The following TRIM61 variants were observed in gnomAD, a reference collection of about 807,000 sequenced individuals.
TRIM61 encodes tripartite motif containing 61.
In TRIM61, 1 loss-of-function variant was observed where a neutral mutation model predicts 14.2. The ratio of observed to expected loss-of-function variants is 0.07; its 90% CI spans 0.03 to 0.33. TRIM61 has a LOEUF of 0.33. Ranked by LOEUF, TRIM61 falls within the 10% of genes least tolerant of loss-of-function variation. The pLI, the probability that TRIM61 is intolerant of heterozygous loss-of-function variation, is 0.99. For missense variants in TRIM61, 19 were observed against 202.2 expected (o/e 0.09, Z 5.49); for synonymous variants, 8 against 71.6 (o/e 0.11, Z 4.49).
At chr4:164,960,719 G>A (rs1732113413) in intron 3 of TRIM61, among the ~76,000 whole-genome samples, 1 of 152,168 alleles carries the variant, frequency 6.6e-6, no homozygotes, top group Non-Finnish European at 1.5e-5. Context: ...GGGAGGCTGA[G>A]GCAGGCAGAT....
At chr4:164,976,236 G>C (rs201368258) in intron 2 of TRIM61, among the ~76,000 whole-genome samples, 1 of 151,810 alleles carries the variant, frequency 6.6e-6, no homozygotes, top group African/African-American at 2.4e-5. Context: ...GGCCGGTGCC[G>C]GTGCAGGTCC....
intron 3 of TRIM61, among the ~76,000 whole-genome samples, chr4:164,967,075 T>C (rs540161131): frequency 6.6e-6 from 1 of 152,302 alleles, no homozygotes; most frequent in Admixed American, 6.5e-5. Flanking sequence ...TAGCCAGCTA[T>C]AGGCAATAAG....
chr4:164,970,871 G>A (rs1053657011), intron 2 of TRIM61, among the ~76,000 whole-genome samples: 2 of 152,084 alleles, frequency 1.3e-5, no homozygotes, highest in African/African-American at 4.8e-5. Flanking sequence ...GGGCCAAGGC[G>A]CTCAGCTCCC....
rs200122109 is a variant in TRIM61 at position 164,962,692 on chromosome 4, T to C, written c.525+6786A>G. On this transcript the variant is annotated intron_variant, in intron 3 of 4. Coordinates refer to ENST00000329314, the MANE Select transcript of TRIM61 (RefSeq NM_001012414.3). ...ATCAAGTGGACACTACAAGAAATGT[T>C]AAAAAAAAAAAAAAAGTACTTTGGG... Among the ~76,000 whole-genome samples, 712 of 139,780 alleles carry C rather than the reference T, an allele frequency of 5.1e-3. 4 individuals are homozygous for C. Among genetic ancestry groups the C allele is most frequent in the African/African-American group, 0.017 (651 of 37,920 alleles). 91.7% of individuals were successfully genotyped at this position (139,780 alleles called of 152,430 possible). A position where few individuals can be genotyped will look rare whatever the true frequency, so the allele number is the denominator to read the frequency against.
intron 3 of TRIM61, among the ~76,000 whole-genome samples, chr4:164,959,851 C>A (rs1354765123): frequency 1.3e-5 from 2 of 152,250 alleles, no homozygotes; most frequent in African/African-American, 2.4e-5. Flanking sequence ...AGAAGGGAAA[C>A]AAGTTCATCT....
At chr4:164,969,365 A>T in intron 3 of TRIM61, 1 of 1,562,250 alleles carries the variant, frequency 6.4e-7, no homozygotes, top group African/African-American at 1.4e-5. Context: ...TAGTTGTGCT[A>T]AAATATCCAT....
At chr4:164,972,299 A>T (rs759927537) in intron 2 of TRIM61, among the ~76,000 whole-genome samples, 1 of 152,200 alleles carries the variant, frequency 6.6e-6, no homozygotes, top group Non-Finnish European at 1.5e-5. Context: ...TCTTTTTCTT[A>T]TAAGAATATC....
At chr4:164,968,293 T>A (rs1325311534) in intron 3 of TRIM61, 103 of 906,794 alleles carry the variant, frequency 1.1e-4, no homozygotes, top group East Asian at 2.3e-4. Context: ...CAGAAAAAAA[T>A]TACTGGGCTT....
At chr4:164,976,982 G>A (rs931079779) in intron 1 of TRIM61, among the ~76,000 whole-genome samples, 157 bp from the exon 2 acceptor site, 12 of 152,120 alleles carry the variant, frequency 7.9e-5, no homozygotes, top group African/African-American at 2.9e-4. Context: ...AAGCTTCTTG[G>A]TGGCAATACG....
At chr4:164,964,216 T>C (rs1331171519) in intron 3 of TRIM61, among the ~76,000 whole-genome samples, 1 of 151,196 alleles carries the variant, frequency 6.6e-6, no homozygotes. Context: ...GGCTTGGTGG[T>C]GGGCGCATGT....
Position 164,970,171 on chromosome 4 carries a change from TTAAGCC to T in TRIM61, c.-175_-170del. On this transcript the variant is annotated 5_prime_UTR_variant, in exon 3 of 5. Coordinates refer to ENST00000329314, the MANE Select transcript of TRIM61 (RefSeq NM_001012414.3). Reference sequence around the variant, plus strand: ...GTTGATGGCAGCTTCTAGAAACTTGTTAAGCCCTCAGCTCCTTAGCTTCAGAGTCTA... The same window carrying T: ...GTTGATGGCAGCTTCTAGAAACTTGTCTCAGCTCCTTAGCTTCAGAGTCTA... 1.5e-6 allele frequency: 1 copy of T among 669,538 alleles called. No individual in the cohort carries two copies. Among genetic ancestry groups the T allele is most frequent in the Non-Finnish European group, 2.5e-6 (1 of 406,150 alleles). The allele number at this position is 669,538 out of a possible 1,614,324, so 41.5% of individuals were successfully genotyped here. A position where few individuals can be genotyped will look rare whatever the true frequency, so the allele number is the denominator to read the frequency against.
In TRIM61 at chr4:164,973,404, A is replaced by G. The variant is rs140365179; in HGVS notation, c.-337-3065T>C. On this transcript the variant is annotated intron_variant, in intron 2 of 4. Transcript: ENST00000329314. ...ATGCAGCCCTCTATATATCAAATCA[A>G]CTTAGATTTTTCATATTTGATATGT... Among the ~76,000 whole-genome samples the G allele has an allele frequency of 1.1e-4, 17 of 152,320 alleles. No homozygotes were observed. The East Asian group carries it at 3.3e-3, about 29-fold the overall frequency.
intron 3 of TRIM61, among the ~76,000 whole-genome samples, chr4:164,966,915 A>T (rs1278740162): frequency 6.6e-6 from 1 of 152,058 alleles, no homozygotes; most frequent in African/African-American, 2.4e-5. Context: ...TGACAGAGCG[A>T]GACTCTATGT....
At chr4:164,968,922 C>G (rs1732300134) in intron 3 of TRIM61, 1 of 994,428 alleles carries the variant, frequency 1.0e-6, no homozygotes, top group Non-Finnish European at 1.2e-6. Context: ...AGAATCCATT[C>G]AGGCTTGTCT....
At chr4:164,970,607 T>C (rs1022987241) in intron 2 of TRIM61, among the ~76,000 whole-genome samples, 1 of 152,118 alleles carries the variant, frequency 6.6e-6, no homozygotes, top group Non-Finnish European at 1.5e-5. Flanking sequence ...ATATTGCCAT[T>C]AGAGAAAATT....
chr4:164,973,353 C>T (rs929583043), intron 2 of TRIM61, among the ~76,000 whole-genome samples: 1 of 152,216 alleles, frequency 6.6e-6, no homozygotes, highest in African/African-American at 2.4e-5. Context: ...TTGTACTGCT[C>T]CTTCTTTACA....
chr4:164,967,287 A>G (rs1732263540), intron 3 of TRIM61, among the ~76,000 whole-genome samples: 1 of 152,224 alleles, frequency 6.6e-6, no homozygotes, highest in Non-Finnish European at 1.5e-5. Context: ...CATGTTGTCA[A>G]TTTTCTCCGT....
intron 3 of TRIM61, among the ~76,000 whole-genome samples, chr4:164,961,169 A>G (rs1179472864): frequency 2.0e-4 from 18 of 91,264 alleles, no homozygotes; most frequent in African/African-American, 7.1e-4. Context: ...AAAAAAAAAA[A>G]AAAAAAAAAA....
chr4:164,973,480 T>C (rs1010169936), intron 2 of TRIM61, among the ~76,000 whole-genome samples: 1 of 152,166 alleles, frequency 6.6e-6, no homozygotes, highest in Non-Finnish European at 1.5e-5. Flanking sequence ...AAGGGAAAAA[T>C]GGGCTTACTG....
Sources: allele counts gnomAD v4.1 joint callset (sites outside exome capture counted in the v4.1 genomes callset), GRCh38; gene constraint gnomAD v4.1.1; transcripts MANE v1.5; gene names NCBI Gene and HGNC (gene_info 2026-07-23, HGNC 2026-07-21).